Variants in SNX8 observed in about 807,000 individuals in gnomAD.
SNX8 encodes sorting nexin 8, also known as sorting nexin-8.
SNX8 carries 25 observed loss-of-function variants against 51.6 expected under a neutral mutation model. The observed-to-expected ratio is 0.48, with a 90% CI of 0.35 to 0.68. The LOEUF (loss-of-function observed/expected upper bound fraction) is 0.68, where lower values mean the gene tolerates loss of function less well. Ranked by LOEUF, SNX8 falls within the 30% of genes least tolerant of loss-of-function variation. The pLI, the probability that SNX8 is intolerant of heterozygous loss-of-function variation, is 0.00. For synonymous variants in SNX8, 324 were observed against 277.0 expected (o/e 1.17, Z -1.68); for missense variants, 695 against 624.0 (o/e 1.11, Z -1.21).
intron 1 of SNX8, among the ~76,000 whole-genome samples, chr7:2,291,591 C>G (rs1458533995): frequency 6.6e-6 from 1 of 150,404 alleles, no homozygotes; most frequent in Non-Finnish European, 1.5e-5. Context: ...GAGCGAGACT[C>G]GGTCTCAAAA....
At chr7:2,266,359 T>TC (rs920740016) in intron 5 of SNX8, among the ~76,000 whole-genome samples, 93 of 149,484 alleles carry the variant, frequency 6.2e-4, no homozygotes, top group Non-Finnish European at 1.2e-3. Context: ...TAATTTTTTT[T>TC]TTCTTTTTTT....
At chr7:2,327,985 C>T (rs1439976938) in intron 1 of SNX8, among the ~76,000 whole-genome samples, 1 of 152,172 alleles carries the variant, frequency 6.6e-6, no homozygotes, top group Non-Finnish European at 1.5e-5. Context: ...CCTGTCCCAG[C>T]TTCCCACATA....
intron 1 of SNX8, among the ~76,000 whole-genome samples, chr7:2,345,481 C>T (rs1021208001): frequency 6.6e-6 from 1 of 151,834 alleles, no homozygotes; most frequent in Admixed American, 6.6e-5. Context: ...AGTTCAAGAC[C>T]AGCCTGGCCC....
intron 8 of SNX8, 80 bp downstream of exon 8, chr7:2,257,655 C>A: frequency 6.4e-7 from 1 of 1,570,260 alleles, no homozygotes; most frequent in African/African-American, 1.3e-5. Context: ...CTCTTCCGTC[C>A]CCCAGGAGTT....
chr7:2,346,552 C>A (rs1249363038), intron 1 of SNX8, among the ~76,000 whole-genome samples: 2 of 151,346 alleles, frequency 1.3e-5, no homozygotes, highest in Admixed American at 6.6e-5. Context: ...TCGAGACCAT[C>A]CTGGCTAACA....
At chr7:2,303,724 G>A (rs957586624) in intron 1 of SNX8, among the ~76,000 whole-genome samples, 1 of 152,102 alleles carries the variant, frequency 6.6e-6, no homozygotes, top group African/African-American at 2.4e-5. Context: ...GGCGGTGCAA[G>A]ATATGCTTTG....
rs1323901901 is a variant in SNX8 at position 2,278,010 on chromosome 7, TCTC to T, written c.300+87_300+89del. 3.9e-6 allele frequency: 6 copies of T among 1,526,084 alleles called. No individual in the cohort carries two copies. In the East Asian group the frequency reaches 6.9e-5, roughly 18 times the overall value. The allele number at this position is 1,526,084 out of a possible 1,614,324, so 94.5% of individuals were successfully genotyped here. On this transcript the variant is annotated intron_variant, in intron 2 of 10. Coordinates refer to ENST00000222990, the MANE Select transcript of SNX8 (RefSeq NM_013321.4). Reference sequence around the variant, plus strand: ...GCCACACAGACTCACCCTTCAGCCTTCTCCTGTCACACCACTCCTGCCCTGAGA... The same window carrying T: ...GCCACACAGACTCACCCTTCAGCCTTCTGTCACACCACTCCTGCCCTGAGA...
chr7:2,257,409 G>C lies in SNX8; in HGVS notation c.1090C>G (p.Arg364Gly), dbSNP rs775447474. The change falls in exon 9 of 11, where the codon CGC becomes GGC. Residue 364 changes from arginine (R) to glycine (G), a missense_variant. Transcript: ENST00000222990. ...RQMMSATAQN[R>G]EPESVEQLES... ...AGCTGCTCCACGGACTCCGGCTCGC[G>C]GTTCTGCGCGGTGGCGCTCATCATC... 1.2e-6 allele frequency: 2 copies of C among 1,610,540 alleles called. No individual in the cohort carries two copies. The highest frequency in any genetic ancestry group is 1.7e-6 in the Non-Finnish European group (2 of 1,179,526).
chr7:2,353,714 C>G (rs937421236), intron 1 of SNX8, among the ~76,000 whole-genome samples: 4 of 152,136 alleles, frequency 2.6e-5, no homozygotes, highest in Admixed American at 6.5e-5. Flanking sequence ...GATAAACACT[C>G]CCCACTCTCC....
intron 1 of SNX8, among the ~76,000 whole-genome samples, chr7:2,339,572 C>T (rs1033740866): frequency 6.6e-6 from 1 of 152,078 alleles, no homozygotes; most frequent in Admixed American, 6.6e-5. Flanking sequence ...TTCAATATAT[C>T]TAAAGTGACA....
intron 1 of SNX8, among the ~76,000 whole-genome samples, chr7:2,333,101 C>CG (rs1050482852): frequency 3.3e-5 from 5 of 149,904 alleles, no homozygotes; most frequent in African/African-American, 9.8e-5. Context: ...AAAATAGAGA[C>CG]GGGGGTCTCA....
At chr7:2,260,526 T>G (rs1795310272) in intron 7 of SNX8, among the ~76,000 whole-genome samples, 1 of 152,134 alleles carries the variant, frequency 6.6e-6, no homozygotes, top group Non-Finnish European at 1.5e-5. Flanking sequence ...GAAGATCCCG[T>G]CACCATGGAA....
chr7:2,334,014 A>T (rs547166870), intron 1 of SNX8, among the ~76,000 whole-genome samples: 10 of 152,266 alleles, frequency 6.6e-5, no homozygotes, highest in Non-Finnish European at 1.2e-4. Context: ...ACACACCTGT[A>T]GTCTCAGCTA....
At chr7:2,316,175 CCACT>C (rs530621181), upstream of SNX8, among the ~76,000 whole-genome samples, 68 of 132,010 alleles carry the variant, frequency 5.2e-4, no homozygotes, top group African/African-American at 1.9e-3. Context: ...ATTCATTCAC[CCACT>C]CACTCACTGC....
intron 5 of SNX8, among the ~76,000 whole-genome samples, chr7:2,266,812 C>G (rs1341027808): frequency 6.6e-6 from 1 of 152,070 alleles, no homozygotes. Context: ...GGAGCCACCG[C>G]GCCAGCCTGA....
rs766036631 is a variant in SNX8, at chr7:2,255,140, G to C, written c.1314C>G (p.Pro438=). The stretch of plus-strand genomic sequence containing the variant: ...GTCCCGCAAAGAGGCAGCTGAGCTT[G>C]GGCCTCAGGTCGTTCCACACCTTGC... The part of the protein sequence containing the change: ...EMSKVWNDLR[P]KLSCLFAGPH... Residue 438 remains proline (P), a synonymous_variant, in exon 11 of 11, where the codon CCC becomes CCG. Transcript: ENST00000222990. The C allele has an allele frequency of 1.3e-6, 2 of 1,574,102 alleles. No homozygotes were observed. Among genetic ancestry groups the C allele is most frequent in the South Asian group, 2.3e-5 (2 of 85,754 alleles).
intron 1 of SNX8, chr7:2,309,991 T>G: frequency 2.4e-6 from 1 of 408,742 alleles, no homozygotes; most frequent in Admixed American, 3.2e-5. Flanking sequence ...AGCACGGAGC[T>G]TCCGAACCGA....
intron 1 of SNX8, among the ~76,000 whole-genome samples, chr7:2,333,657 G>T (rs770121983): frequency 6.6e-6 from 1 of 152,138 alleles, no homozygotes. Flanking sequence ...AGAAAGCCCA[G>T]AAATTAACTC....
chr7:2,303,999 A>G (rs1796480794), intron 1 of SNX8, among the ~76,000 whole-genome samples: 1 of 151,148 alleles, frequency 6.6e-6, no homozygotes, highest in Non-Finnish European at 1.5e-5. Flanking sequence ...AAAACTTAAA[A>G]AAAAAAAATA....
Sources: allele counts gnomAD v4.1 joint callset (sites outside exome capture counted in the v4.1 genomes callset), GRCh38; gene constraint gnomAD v4.1.1; transcripts MANE v1.5; gene names NCBI Gene and HGNC (gene_info 2026-07-23, HGNC 2026-07-21).